The following MYO3B variants were observed in gnomAD, a reference collection of about 807,000 sequenced individuals.
MYO3B encodes the protein myosin IIIB.
Under a neutral mutation model 174.6 loss-of-function variants are expected in MYO3B, and 156 were observed. The observed-to-expected ratio is 0.89, with a 90% CI of 0.78 to 1.02. The LOEUF (loss-of-function observed/expected upper bound fraction) is 1.02, where lower values mean the gene tolerates loss of function less well. Among genes scored for constraint, MYO3B ranks in the 50% least tolerant of loss-of-function variants. The pLI, the probability that MYO3B is intolerant of heterozygous loss-of-function variation, is 0.00. For missense variants in MYO3B, 1,632 were observed against 1,639.4 expected (o/e 1.00, Z 0.08); for synonymous variants, 563 against 569.1 (o/e 0.99, Z 0.15).
chr2:170,373,869 G>A (rs966100068), intron 9 of MYO3B, among the ~76,000 whole-genome samples: 1 of 151,946 alleles, frequency 6.6e-6, no homozygotes, highest in African/African-American at 2.4e-5. Flanking sequence ...AGAGTTGGGA[G>A]TGGATTGTGG....
At chr2:170,644,118 G>A (rs1207757803) in intron 32 of MYO3B, among the ~76,000 whole-genome samples, 1 of 152,170 alleles carries the variant, frequency 6.6e-6, no homozygotes, top group Non-Finnish European at 1.5e-5. Context: ...ACTTACAACT[G>A]TGCATGAATT....
chr2:170,364,775 C>T (rs1472364369), intron 8 of MYO3B, among the ~76,000 whole-genome samples: 6 of 152,188 alleles, frequency 3.9e-5, no homozygotes, highest in South Asian at 2.1e-4. Flanking sequence ...AATGACAAGC[C>T]GACAAACTTA....
At chr2:170,393,500 C>G (rs572888360) in intron 16 of MYO3B, among the ~76,000 whole-genome samples, 1 of 152,088 alleles carries the variant, frequency 6.6e-6, no homozygotes, top group South Asian at 2.1e-4. Flanking sequence ...TACATTATGT[C>G]ATAGTTTCTG....
At position 170,217,413 on chromosome 2, in the gene MYO3B, A is replaced by T. The variant is rs565473944; in HGVS notation, c.603+18A>T. ...CCCCTGAGGTAAGCTGGAAATACCT[A>T]GTTCTTTCTTTGCACTTGTTGAATG... On this transcript the variant is annotated intron_variant, in intron 6 of 34. Coordinates refer to ENST00000408978, the MANE Select transcript of MYO3B (RefSeq NM_138995.5). The T allele has an allele frequency of 6.2e-7, 1 of 1,602,890 alleles. No individual in the cohort carries two copies. The highest frequency in any genetic ancestry group is 8.5e-7 in the Non-Finnish European group (1 of 1,169,816).
At chr2:170,524,714 C>CCCCAG in intron 30 of MYO3B, 1 of 314,178 alleles carries the variant, frequency 3.2e-6, no homozygotes, top group Non-Finnish European at 6.2e-6. Context: ...GAACTCCTGA[C>CCCCAG]GTTCTAGCGA....
chr2:170,654,915 ATT>A lies in MYO3B; in HGVS notation c.*1797_*1798del, dbSNP rs1699202996. 1 of 152,158 alleles carries A rather than the reference ATT, an allele frequency of 6.6e-6. No individual in the cohort carries two copies. Among genetic ancestry groups the A allele is most frequent in the Admixed American group, 6.5e-5 (1 of 15,280 alleles). The allele number at this position is 152,158 out of a possible 1,614,324, so 9.4% of individuals were successfully genotyped here. A position where few individuals can be genotyped will look rare whatever the true frequency, so the allele number is the denominator to read the frequency against. On this transcript the variant is annotated 3_prime_UTR_variant, in exon 35 of 35. Coordinates refer to ENST00000408978, the MANE Select transcript of MYO3B (RefSeq NM_138995.5). ...AGTAGAGCAGAAAAAATGCAGATAA[ATT>A]TTATTTTATTGTTTAAAAAATAATG...
At chr2:170,317,863 C>T (rs993600338) in intron 7 of MYO3B, among the ~76,000 whole-genome samples, 3 of 152,124 alleles carry the variant, frequency 2.0e-5, no homozygotes, top group Non-Finnish European at 2.9e-5. Context: ...GAGTTTTTAT[C>T]GTGATAAAAT....
chr2:170,437,829 A>G (rs17426198), intron 22 of MYO3B, among the ~76,000 whole-genome samples: 11,778 of 152,106 alleles, frequency 0.077, 565 homozygotes, highest in Non-Finnish European at 0.11. Flanking sequence ...GGCGCGCTCT[A>G]TCGTCTAACT....
intron 5 of MYO3B, 31 bp from the exon 6 acceptor site, chr2:170,217,288 A>G (rs2105372021): frequency 6.3e-7 from 1 of 1,598,964 alleles, no homozygotes; most frequent in Non-Finnish European, 8.6e-7. Flanking sequence ...TACTTTGCTC[A>G]CTTTTGAATT....
intron 7 of MYO3B, among the ~76,000 whole-genome samples, chr2:170,245,055 G>A (rs1209591357): frequency 6.6e-6 from 1 of 152,190 alleles, no homozygotes; most frequent in Non-Finnish European, 1.5e-5. Flanking sequence ...TGAACACACT[G>A]ACTGCGGGAA....
At chr2:170,507,832 G>A (rs1687711202) in intron 28 of MYO3B, among the ~76,000 whole-genome samples, 1 of 152,180 alleles carries the variant, frequency 6.6e-6, no homozygotes, top group South Asian at 2.1e-4. Context: ...ACAGAGACAG[G>A]ATGGCCTGTG....
At chr2:170,453,480 G>A (rs1390791133) in intron 23 of MYO3B, among the ~76,000 whole-genome samples, 3 of 149,780 alleles carry the variant, frequency 2.0e-5, no homozygotes, top group East Asian at 2.0e-4. Context: ...AAGAGAGAGC[G>A]ACCAACTGAC....
At chr2:170,482,361 G>T (rs1465835250) in intron 25 of MYO3B, among the ~76,000 whole-genome samples, 1 of 152,106 alleles carries the variant, frequency 6.6e-6, no homozygotes, top group Non-Finnish European at 1.5e-5. Context: ...CACCATGTTG[G>T]CCAGGCTGGT....
At chr2:170,504,442 A>G (rs758454755) in intron 28 of MYO3B, among the ~76,000 whole-genome samples, 1 of 152,200 alleles carries the variant, frequency 6.6e-6, no homozygotes, top group South Asian at 2.1e-4. Context: ...CTCCTTCCCA[A>G]TAAAAGCAGC....
intron 32 of MYO3B, among the ~76,000 whole-genome samples, chr2:170,633,760 C>T (rs1697229000): frequency 6.6e-6 from 1 of 152,234 alleles, no homozygotes; most frequent in Non-Finnish European, 1.5e-5. Flanking sequence ...TAAGGAACTT[C>T]AGCAAAGTCT....
chr2:170,449,745 C>G (rs896796162), intron 23 of MYO3B, among the ~76,000 whole-genome samples: 15 of 151,724 alleles, frequency 9.9e-5, no homozygotes, highest in Non-Finnish European at 2.1e-4. Context: ...CCGTTGCACT[C>G]CAGCCTGGGT....
chr2:170,564,023 A>G (rs1437869653), intron 32 of MYO3B, among the ~76,000 whole-genome samples: 3 of 152,242 alleles, frequency 2.0e-5, no homozygotes, highest in Non-Finnish European at 2.9e-5. Flanking sequence ...GAATTTAATC[A>G]TCTGAGGCAC....
At chr2:170,634,641 C>G (rs1186907127) in intron 32 of MYO3B, among the ~76,000 whole-genome samples, 2 of 152,178 alleles carry the variant, frequency 1.3e-5, no homozygotes, top group African/African-American at 4.8e-5. Context: ...AACTAAAGAG[C>G]TTCTGCACAG....
At position 170,509,998 on chromosome 2, in the gene MYO3B, A is replaced by G. The variant is rs185391573; in HGVS notation, c.3371-4923A>G. Among the ~76,000 whole-genome samples, 465 of 152,368 alleles carry G rather than the reference A, an allele frequency of 3.1e-3. 2 individuals carry two copies. Among genetic ancestry groups the G allele is most frequent in the Middle Eastern group, 6.8e-3 (2 of 292 alleles). On this transcript the variant is annotated intron_variant, in intron 28 of 34. Coordinates refer to ENST00000408978, the MANE Select transcript of MYO3B (RefSeq NM_138995.5). ...GATCACGGTTTGATTTGCTGTGGCC[A>G]TGAAGTCTGAATCACCAAATACAGA...
Sources: gnomAD v4.1 joint callset for allele counts (sites outside exome capture counted in the v4.1 genomes callset) on GRCh38, gnomAD v4.1.1 for gene constraint, MANE v1.5 for transcripts, NCBI Gene and HGNC (gene_info 2026-07-23, HGNC 2026-07-21) for gene names.